Variants in DNAJB6 observed in about 807,000 individuals in gnomAD.
The protein encoded by DNAJB6 is DnaJ heat shock protein family (Hsp40) member B6.
DNAJB6 carries 16 observed loss-of-function variants against 42.7 expected under a neutral mutation model. The observed-to-expected ratio is 0.37, with a 90% CI of 0.25 to 0.57. The LOEUF is 0.57. DNAJB6 is among the 20% of genes least tolerant of loss of function. The pLI is 0.74. For synonymous variants in DNAJB6, 170 were observed against 163.5 expected, an observed-to-expected ratio of 1.04 and a Z score of -0.30; for missense variants, 347 against 416.8, an observed-to-expected ratio of 0.83 and a Z score of 1.46.
rs1245642813 is a variant in DNAJB6, at chr7:157,357,272, T to G, written c.-26-1275T>G. Among the ~76,000 whole-genome samples, 7 of 72,726 alleles carry G rather than the reference T, an allele frequency of 9.6e-5. 2 individuals are homozygous for G. The highest frequency in any genetic ancestry group is 6.5e-3 in the Middle Eastern group (1 of 154). 47.7% of individuals were successfully genotyped at this position (72,726 alleles called of 152,430 possible). A position where few individuals can be genotyped will look rare whatever the true frequency, so the allele number is the denominator to read the frequency against. ...CTTCCTTCCTTCCTTCCGTCCTTCC[T>G]TCCGTCCTTCCTTCCGTCCTTCCTT... On this transcript the variant is annotated intron_variant, in intron 1 of 9. Transcript: ENST00000262177.
intron 1 of DNAJB6, among the ~76,000 whole-genome samples, chr7:157,356,811 T>A (rs1322085152): frequency 2.6e-5 from 4 of 152,220 alleles, no homozygotes; most frequent in Non-Finnish European, 5.9e-5. Flanking sequence ...TACTCTAAAT[T>A]CCGTATCTTG....
At chr7:157,344,399 G>A (rs1257910754) in intron 1 of DNAJB6, among the ~76,000 whole-genome samples, 1 of 151,782 alleles carries the variant, frequency 6.6e-6, no homozygotes, top group Non-Finnish European at 1.5e-5. Flanking sequence ...TGTAGTCCCA[G>A]GTACTCGGGA....
chr7:157,344,181 C>G (rs1798563652), intron 1 of DNAJB6, among the ~76,000 whole-genome samples: 1 of 151,998 alleles, frequency 6.6e-6, no homozygotes, highest in Non-Finnish European at 1.5e-5. Flanking sequence ...TCTACTAAAA[C>G]AATACAAAAA....
chr7:157,344,172 C>T (rs559502396), intron 1 of DNAJB6, among the ~76,000 whole-genome samples: 1 of 152,274 alleles, frequency 6.6e-6, no homozygotes, highest in South Asian at 2.1e-4. Context: ...AACCCCATCT[C>T]TACTAAAACA....
At position 157,386,409 on chromosome 7, in the gene DNAJB6, C is replaced by T. The variant is rs75302942; in HGVS notation, c.691+798C>T. 1,847 of 604,172 alleles carry T rather than the reference C, an allele frequency of 3.1e-3. 23 individuals carry two copies. In the African/African-American group the frequency reaches 0.034, roughly 11 times the overall value. The allele number at this position is 604,172 out of a possible 1,614,324, so 37.4% of individuals were successfully genotyped here. A position where few individuals can be genotyped will look rare whatever the true frequency, so the allele number is the denominator to read the frequency against. On this transcript the variant is annotated intron_variant, in intron 8 of 9. Coordinates refer to ENST00000262177, the MANE Select transcript of DNAJB6 (RefSeq NM_058246.4). Reference sequence around the variant, plus strand: ...TCGTGCTGTTCATTCAGGTGGATGCCGCACCTCAGTTACATGTAGACATTT... The same window carrying T: ...TCGTGCTGTTCATTCAGGTGGATGCTGCACCTCAGTTACATGTAGACATTT...
At chr7:157,363,344 C>A in intron 3 of DNAJB6, 74 bp downstream of exon 3, 1 of 938,812 alleles carries the variant, frequency 1.1e-6, no homozygotes, top group Non-Finnish European at 1.7e-6. Context: ...GGATCCTCCT[C>A]AGGGTAGCAC....
chr7:157,365,420 C>T lies in DNAJB6; in HGVS notation c.176-1082C>T, dbSNP rs530001095. 7.2e-5 allele frequency among the ~76,000 whole-genome samples: 11 copies of T among 152,328 alleles called. No individual in the cohort carries two copies. The South Asian group carries it at 1.0e-3, about 14-fold the overall frequency. On this transcript the variant is annotated intron_variant, in intron 3 of 9. Transcript: ENST00000262177. ...GGCCTTGCATCCGGGTGGTCCACTT[C>T]GAGGGTGAATGAGCCTGTAGGGTGT...
At position 157,416,055 on chromosome 7, in the gene DNAJB6, G is replaced by A. The variant is rs763185312; in HGVS notation, c.938G>A (p.Arg313Lys). 38 of 1,614,082 alleles carry A rather than the reference G, an allele frequency of 2.4e-5. No homozygotes were observed. The highest frequency in any genetic ancestry group is 3.0e-5 in the Non-Finnish European group (35 of 1,180,040). ...GGCAAGAGGAAGAAGCAGAAGCAGA[G>A]AGAGGAGTCGAAGAAGAAGAAGTCG... Reference protein sequence around the residue: ...EGGKRKKQKQREESKKKKSTK... With the variant: ...EGGKRKKQKQKEESKKKKSTK... The change falls in exon 10 of 10, where the codon AGA becomes AAA. Residue 313 changes from arginine to lysine, a missense_variant. Arg to Lys is a conservative substitution (Grantham distance 26). This residue lies in a region of DNAJB6 where 264 missense variants were observed against 288.0 expected (regional missense o/e 0.92). Transcript: ENST00000262177.
chr7:157,376,592 G>A (rs1261277507), intron 5 of DNAJB6, among the ~76,000 whole-genome samples: 1 of 152,152 alleles, frequency 6.6e-6, no homozygotes, highest in Non-Finnish European at 1.5e-5. Context: ...ACATTATAGG[G>A]AGGCATGAGA....
At chr7:157,387,836 G>A (rs890932112) in intron 8 of DNAJB6, among the ~76,000 whole-genome samples, 1 of 141,228 alleles carries the variant, frequency 7.1e-6, no homozygotes, top group East Asian at 2.0e-4. Flanking sequence ...CTACTGTTTT[G>A]TTTGTTTGTT....
At chr7:157,354,181 C>T (rs544707046) in intron 1 of DNAJB6, among the ~76,000 whole-genome samples, 1 of 152,046 alleles carries the variant, frequency 6.6e-6, no homozygotes, top group East Asian at 1.9e-4. Flanking sequence ...GAGTTTTGTT[C>T]TTGTTGCCCA....
intron 3 of DNAJB6, among the ~76,000 whole-genome samples, chr7:157,365,987 G>C (rs954400316): frequency 3.3e-5 from 5 of 151,184 alleles, no homozygotes; most frequent in African/African-American, 1.2e-4. Flanking sequence ...GCCTACTCTT[G>C]TTGCCCAGGC....
chr7:157,357,602 G>A (rs983986267), intron 1 of DNAJB6, among the ~76,000 whole-genome samples: 1 of 151,896 alleles, frequency 6.6e-6, no homozygotes. Flanking sequence ...TGAGCCACGC[G>A]CCCGGCTGTG....
chr7:157,383,115 T>G (rs1214010386), intron 6 of DNAJB6, among the ~76,000 whole-genome samples: 1 of 152,202 alleles, frequency 6.6e-6, no homozygotes, highest in Non-Finnish European at 1.5e-5. Context: ...GAAGTGATTC[T>G]TGTGCCTCAG....
intron 8 of DNAJB6, among the ~76,000 whole-genome samples, chr7:157,393,308 A>G (rs1801435244): frequency 6.6e-6 from 1 of 152,144 alleles, no homozygotes; most frequent in Non-Finnish European, 1.5e-5. Flanking sequence ...TTGGAATATC[A>G]TATTTTTTAC....
chr7:157,369,200 CAG>C (rs1460443292), intron 5 of DNAJB6: 2 of 443,962 alleles, frequency 4.5e-6, no homozygotes, highest in Non-Finnish European at 9.1e-6. Context: ...TCAGCAGAAA[CAG>C]AGCTCAAGAA....
intron 8 of DNAJB6, among the ~76,000 whole-genome samples, chr7:157,404,176 C>A (rs1469198280): frequency 6.6e-6 from 1 of 151,716 alleles, no homozygotes; most frequent in Non-Finnish European, 1.5e-5. Flanking sequence ...ACTATGTTGC[C>A]CAGGCTGGTC....
At chr7:157,388,527 C>T (rs1801189142) in intron 8 of DNAJB6, among the ~76,000 whole-genome samples, 1 of 152,028 alleles carries the variant, frequency 6.6e-6, no homozygotes. Flanking sequence ...CCCATCCATT[C>T]TGGGGTGTGC....
At chr7:157,405,801 G>A (rs1287079575) in intron 8 of DNAJB6, among the ~76,000 whole-genome samples, 1 of 152,240 alleles carries the variant, frequency 6.6e-6, no homozygotes, top group Admixed American at 6.5e-5. Context: ...GAGCCATGGG[G>A]TGGTGCTTGT....
Sources: allele counts gnomAD v4.1 joint callset (sites outside exome capture counted in the v4.1 genomes callset), GRCh38; gene constraint gnomAD v4.1.1; regional missense constraint gnomAD v4.1.1; transcripts MANE v1.5; gene names NCBI Gene and HGNC (gene_info 2026-07-23, HGNC 2026-07-21).